Variants in MUC5AC observed in about 807,000 individuals in gnomAD.
MUC5AC encodes the protein mucin 5AC, oligomeric mucus/gel-forming, also known as mucin-5AC.
A neutral mutation model predicts 169.7 loss-of-function variants in MUC5AC; 158 were observed. That is an observed-to-expected ratio of 0.93 (90% CI 0.82 to 1.06). The LOEUF is 1.06. MUC5AC is among the 50% of genes least tolerant of loss of function. The pLI, the probability that MUC5AC is intolerant of heterozygous loss-of-function variation, is 0.00. For synonymous variants in MUC5AC, 1,975 were observed against 1,237.0 expected (o/e 1.60, Z -12.52); for missense variants, 4,359 against 3,089.9 (o/e 1.41, Z -9.74).
At chr11:1,193,432 G>T in intron 32 of MUC5AC, 53 bp from the exon 33 acceptor site, 1 of 676,330 alleles carries the variant, frequency 1.5e-6, no homozygotes, top group Non-Finnish European at 2.7e-6. Flanking sequence ...GAACCAAGGG[G>T]TGCCCCGGAG....
intron 24 of MUC5AC, among the ~76,000 whole-genome samples, chr11:1,178,151 G>A (rs1451082593): frequency 3.3e-5 from 5 of 152,232 alleles, no homozygotes; most frequent in Non-Finnish European, 7.3e-5. Context: ...CATAGGCGCC[G>A]GGGTCAGGAC....
intron 15 of MUC5AC, among the ~76,000 whole-genome samples, chr11:1,171,645 TCACTCACTCACCCATTCACCCACTCACC>T (rs1300442654): frequency 1.7e-3 from 166 of 98,080 alleles, no homozygotes; most frequent in African/African-American, 5.1e-3. Flanking sequence ...ACTCACCCAC[TCACTCACTCACCCATTCACCCACTCACC>T]CACTCACTCA....
At chr11:1,180,729 G>A (rs1172522926) in intron 28 of MUC5AC, among the ~76,000 whole-genome samples, 2 of 152,170 alleles carry the variant, frequency 1.3e-5, no homozygotes, top group East Asian at 1.9e-4. Flanking sequence ...GGGACTGGGT[G>A]TAGGGCTCCT....
In MUC5AC at chr11:1,168,854, GC is replaced by G. The variant is rs1860410387; in HGVS notation, c.1706-3del. ...GCATGGTCCTCAACCTGCCTAACCCGCCCCCAGGTCTCTGTGGGAACTTCAA... is the reference window on the plus strand; with the variant it reads ...GCATGGTCCTCAACCTGCCTAACCCGCCCCAGGTCTCTGTGGGAACTTCAA... On this transcript the variant is annotated splice_polypyrimidine_tract_variant and splice_region_variant and intron_variant, in intron 14 of 48. Transcript: ENST00000621226. The G allele has an allele frequency of 2.1e-5, 34 of 1,585,222 alleles. No individual in the cohort carries two copies. Among genetic ancestry groups the G allele is most frequent in the Non-Finnish European group, 2.8e-5 (33 of 1,163,312 alleles).
At chr11:1,178,208 G>C (rs2133746842) in intron 24 of MUC5AC, among the ~76,000 whole-genome samples, 1 of 152,350 alleles carries the variant, frequency 6.6e-6, no homozygotes, top group Non-Finnish European at 1.5e-5. Flanking sequence ...TCTCCAGGAG[G>C]GGCTTGCCTC....
chr11:1,196,942 G>T (rs531716697), intron 40 of MUC5AC, 34 bp downstream of exon 40: 1 of 757,238 alleles, frequency 1.3e-6, no homozygotes. Flanking sequence ...AGGGCACTGG[G>T]GTCCAAGAGC....
In MUC5AC at chr11:1,161,972, G is replaced by T. The variant is rs750263003; in HGVS notation, c.277G>T (p.Asp93Tyr). Reference sequence around the variant, plus strand: ...GGGCAGCTTCCACTACAAGACCTTCGACGGCGACGTCTTCCGCTTCCCCGG... The same window carrying T: ...GGGCAGCTTCCACTACAAGACCTTCTACGGCGACGTCTTCCGCTTCCCCGG... ...TWGSFHYKTF[D>Y]GDVFRFPGLC... The change falls in exon 4 of 49, where the codon GAC becomes TAC. Residue 93 changes from aspartate to tyrosine, a missense_variant. Asp to Tyr is a radical substitution (Grantham distance 160). Transcript: ENST00000621226. The T allele has an allele frequency of 3.1e-6, 5 of 1,612,234 alleles. No homozygotes were observed. The highest frequency in any genetic ancestry group is 4.2e-6 in the Non-Finnish European group (5 of 1,179,712).
intron 28 of MUC5AC, 99 bp from the exon 29 acceptor site, chr11:1,181,040 G>C (rs1860805557): frequency 2.5e-6 from 1 of 398,166 alleles, no homozygotes; most frequent in Non-Finnish European, 4.4e-6. Flanking sequence ...CTCCACCCCT[G>C]TCGGAGCTGC....
At position 1,164,442 on chromosome 11, in the gene MUC5AC, T is replaced by G; in HGVS notation, c.1039T>G (p.Cys347Gly). ...KCPNNMQYHE[C>G]RSPCADTCSN... The stretch of plus-strand genomic sequence containing the variant: ...CCCCAACAACATGCAGTACCACGAG[T>G]GCCGCTCCCCCTGCGCAGACACCTG... The change falls in exon 9 of 49, where the codon TGC (cysteine) becomes GGC (glycine). Residue 347 changes from cysteine (C) to glycine (G), a missense_variant. Physicochemically the swap from Cys to Gly is radical, Grantham distance 159. Coordinates refer to ENST00000621226, the MANE Select transcript of MUC5AC (RefSeq NM_001304359.2). 1 of 1,612,212 alleles carries G rather than the reference T, an allele frequency of 6.2e-7. No individual in the cohort carries two copies. The highest frequency in any genetic ancestry group is 8.5e-7 in the Non-Finnish European group (1 of 1,179,708).
rs1371783445 is a variant in MUC5AC at position 1,183,724 on chromosome 11, C to A, written c.5579C>A (p.Pro1860Gln). 3.1e-4 allele frequency: 172 copies of A among 558,090 alleles called. No individual in the cohort carries two copies. The highest frequency in any genetic ancestry group is 5.0e-4 in the Non-Finnish European group (160 of 317,630). The allele number at this position is 558,090 out of a possible 1,614,324, so 34.6% of individuals were successfully genotyped here. ...ACACCTGGCTCCACCTCTAGCAGTC[C>A]AGCCCAGACCACTCCTTCAACAACC... ...TSTPGSTSSS[P>Q]AQTTPSTTSK... Residue 1860 changes from proline (P) to glutamine (Q), a missense_variant, in exon 31 of 49, where the codon CCA becomes CAA. Physicochemically the swap from Pro to Gln is moderately conservative, Grantham distance 76. Coordinates refer to ENST00000621226, the MANE Select transcript of MUC5AC (RefSeq NM_001304359.2).
In MUC5AC at chr11:1,168,866, CTG is replaced by C. The variant is rs771279682; in HGVS notation, c.1713_1714del (p.Cys571TrpfsTer10). 2.5e-6 allele frequency: 4 copies of C among 1,594,832 alleles called. No homozygotes were observed. Among genetic ancestry groups the C allele is most frequent in the Non-Finnish European group, 2.6e-6 (3 of 1,169,262 alleles). On this transcript the variant is annotated frameshift_variant, in exon 15 of 49. Transcript: ENST00000621226. LOFTEE classifies it high-confidence loss of function. ...ACCTGCCTAACCCGCCCCCAGGTCT[CTG>C]TGGGAACTTCAACAGCATCCAGGCC... is the stretch of plus-strand genomic sequence containing the variant. ...PKLRGQTCGL[C>X]GNFNSIQADD...
chr11:1,170,416 C>CT (rs1860471181), intron 15 of MUC5AC, among the ~76,000 whole-genome samples: 1 of 139,852 alleles, frequency 7.2e-6, no homozygotes. Flanking sequence ...CACCTACTCA[C>CT]CCACTCACCC....
intron 26 of MUC5AC, 98 bp from the exon 27 acceptor site, chr11:1,179,924 G>T (rs1860775696): frequency 2.5e-6 from 1 of 397,836 alleles, no homozygotes; most frequent in African/African-American, 2.1e-5. Flanking sequence ...TGGCCGGGAG[G>T]TGCAGGGGAG....
At position 1,187,759 on chromosome 11, in the gene MUC5AC, G is replaced by A; in HGVS notation, c.9614G>A (p.Ser3205Asn). ...STASVSKTSTSHVSISKTTHS... is the reference protein window; with the variant it reads ...STASVSKTSTNHVSISKTTHS... ...GCCTCTGTTTCAAAGACCAGCACAAGCCATGTTTCCATATCCAAGACAACC... is the reference window on the plus strand; with the variant it reads ...GCCTCTGTTTCAAAGACCAGCACAAACCATGTTTCCATATCCAAGACAACC... Residue 3205 changes from serine (S) to asparagine (N), a missense_variant, in exon 31 of 49, where the codon AGC (serine) becomes AAC (asparagine). Transcript: ENST00000621226. 1.3e-6 allele frequency: 1 copy of A among 765,034 alleles called. No homozygotes were observed. Among genetic ancestry groups the A allele is most frequent in the South Asian group, 1.3e-5 (1 of 74,610 alleles). 47.4% of individuals were successfully genotyped at this position (765,034 alleles called of 1,614,324 possible). A position where few individuals can be genotyped will look rare whatever the true frequency, so the allele number is the denominator to read the frequency against.
Position 1,192,346 on chromosome 11 carries a change from C to T in MUC5AC, c.14201C>T (p.Thr4734Ile), listed in dbSNP as rs750957230. Reference protein sequence around the residue: ...CCETPRGCPVTSVTPYGTSPT... With the variant: ...CCETPRGCPVISVTPYGTSPT... ...GAGACCCCCAGAGGCTGCCCGGTGA[C>T]CTCTGTGACCCCATATGGGACTTCT... The change falls in exon 31 of 49, where the codon ACC becomes ATC. Residue 4734 changes from threonine (T) to isoleucine (I), a missense_variant. By Grantham distance (89) the Thr-to-Ile change is moderately conservative (BLOSUM62 -1). Transcript: ENST00000621226. 1.3e-6 allele frequency: 1 copy of T among 765,112 alleles called. No homozygotes were observed. The highest frequency in any genetic ancestry group is 1.3e-5 in the South Asian group (1 of 74,628). 47.4% of individuals were successfully genotyped at this position (765,112 alleles called of 1,614,324 possible). A position where few individuals can be genotyped will look rare whatever the true frequency, so the allele number is the denominator to read the frequency against.
Position 1,186,406 on chromosome 11 carries a change from C to T in MUC5AC, c.8261C>T (p.Thr2754Ile). The T allele has an allele frequency of 1.4e-6, 1 of 705,420 alleles. No individual in the cohort carries two copies. Among genetic ancestry groups the T allele is most frequent in the Non-Finnish European group, 2.6e-6 (1 of 386,550 alleles). The allele number at this position is 705,420 out of a possible 1,614,324, so 43.7% of individuals were successfully genotyped here. Residue 2754 changes from threonine to isoleucine, a missense_variant, in exon 31 of 49, where the codon ACC becomes ATC. Physicochemically the swap from Thr to Ile is moderately conservative, Grantham distance 89. Transcript: ENST00000621226. Reference sequence around the variant, plus strand: ...CCCAGAAGAACCTCAGCCCCTACAACCAGCACAATCTCTGCCTCTACCACC... The same window carrying T: ...CCCAGAAGAACCTCAGCCCCTACAATCAGCACAATCTCTGCCTCTACCACC... ...PTPRRTSAPT[T>I]STISASTTST...
At chr11:1,193,727 C>T (rs889738114) in intron 33 of MUC5AC, 68 bp downstream of exon 33, 16 of 741,082 alleles carry the variant, frequency 2.2e-5, no homozygotes, top group Non-Finnish European at 3.2e-5. Context: ...TGGAAATGGG[C>T]GGGGCAGAGG....
At chr11:1,195,774 A>G (rs868414266) in intron 36 of MUC5AC, 102 bp from the exon 37 acceptor site, 457 of 613,298 alleles carry the variant, frequency 7.5e-4, no homozygotes, top group Middle Eastern at 3.5e-3. Context: ...CTGCTCTGGG[A>G]CTCGCCTCGC....
At chr11:1,159,293 C>T (rs551946776) in intron 1 of MUC5AC, among the ~76,000 whole-genome samples, 3 of 152,226 alleles carry the variant, frequency 2.0e-5, no homozygotes, top group Admixed American at 6.5e-5. Flanking sequence ...TCACAGCTTT[C>T]CCTAAGACCC....
Sources: gnomAD v4.1 joint callset for allele counts (sites outside exome capture counted in the v4.1 genomes callset) on GRCh38, gnomAD v4.1.1 for gene constraint, MANE v1.5 for transcripts, NCBI Gene and HGNC (gene_info 2026-07-23, HGNC 2026-07-21) for gene names.